The following KCND2 variants were observed in gnomAD, a reference collection of about 807,000 sequenced individuals.
KCND2 encodes potassium voltage-gated channel subfamily D member 2, also known as A-type voltage-gated potassium channel KCND2.
KCND2 carries 16 observed loss-of-function variants against 54.4 expected under a neutral mutation model. That is an observed-to-expected ratio of 0.29 (90% CI 0.20 to 0.45). The LOEUF (loss-of-function observed/expected upper bound fraction) is 0.45. KCND2 is among the 20% of genes least tolerant of loss of function. The probability of loss-of-function intolerance (pLI) is 1.00; values close to 1 mark genes in which losing one functional copy is unlikely to be tolerated. For missense variants in KCND2, 486 were observed against 824.2 expected (o/e 0.59, Z 5.02); for synonymous variants, 317 against 310.7 (o/e 1.02, Z -0.21).
At chr7:120,442,510 G>A (rs1337343097) in intron 1 of KCND2, among the ~76,000 whole-genome samples, 1 of 151,342 alleles carries the variant, frequency 6.6e-6, no homozygotes, top group African/African-American at 2.4e-5. Flanking sequence ...AGTAAGTGGT[G>A]ACCTAAAAGT....
chr7:120,297,206 A>G (rs1799524668), intron 1 of KCND2, among the ~76,000 whole-genome samples: 1 of 151,972 alleles, frequency 6.6e-6, no homozygotes, highest in Non-Finnish European at 1.5e-5. Context: ...CATCTGTCCA[A>G]ATGTCTGTCC....
At chr7:120,379,031 A>G (rs2116020725) in intron 1 of KCND2, among the ~76,000 whole-genome samples, 1 of 152,160 alleles carries the variant, frequency 6.6e-6, no homozygotes, top group African/African-American at 2.4e-5. Context: ...AGGCAGACAG[A>G]TCTCTACTCA....
chr7:120,562,187 C>T (rs908200061), intron 1 of KCND2, among the ~76,000 whole-genome samples: 7 of 152,066 alleles, frequency 4.6e-5, no homozygotes, highest in Admixed American at 4.6e-4. Flanking sequence ...CCTCAGAGAG[C>T]ATATTGAGTG....
rs149251378 is a variant in KCND2, at chr7:120,483,234, G to A, written c.1115+207487G>A. Among the ~76,000 whole-genome samples the A allele has an allele frequency of 1.1e-3, 168 of 152,244 alleles. 1 individual carries two copies. The highest frequency in any genetic ancestry group is 3.9e-3 in the African/African-American group (161 of 41,542). On this transcript the variant is annotated intron_variant, in intron 1 of 5. Transcript: ENST00000331113. ...AATAATGTGTTATTTGTACCAGATC[G>A]TGAAAGGTATATGGCTTTCAACAAA...
intron 1 of KCND2, among the ~76,000 whole-genome samples, chr7:120,629,440 G>T (rs6466753): frequency 1.3e-5 from 2 of 151,998 alleles, no homozygotes; most frequent in African/African-American, 4.8e-5. Context: ...GAGCCGAGAT[G>T]GTGCCACTGC....
chr7:120,398,621 A>G (rs973023326), intron 1 of KCND2, among the ~76,000 whole-genome samples: 3 of 152,130 alleles, frequency 2.0e-5, no homozygotes, highest in African/African-American at 7.2e-5. Flanking sequence ...AAAGATATAC[A>G]ATGCAAACAG....
At chr7:120,551,166 T>C (rs1040049917) in intron 1 of KCND2, among the ~76,000 whole-genome samples, 8 of 152,324 alleles carry the variant, frequency 5.3e-5, no homozygotes, top group Middle Eastern at 3.4e-3. Flanking sequence ...GGGAATAGAA[T>C]AGTTACTTGA....
intron 1 of KCND2, among the ~76,000 whole-genome samples, chr7:120,402,534 T>C (rs1801279294): frequency 6.6e-6 from 1 of 152,174 alleles, no homozygotes; most frequent in Non-Finnish European, 1.5e-5. Flanking sequence ...TTACACTATG[T>C]GGATTAATGT....
intron 1 of KCND2, among the ~76,000 whole-genome samples, chr7:120,564,285 G>A (rs2116415638): frequency 6.6e-6 from 1 of 152,238 alleles, no homozygotes; most frequent in African/African-American, 2.4e-5. Flanking sequence ...GCTTGAAACA[G>A]CAACGTGATA....
At chr7:120,659,196 T>C (rs1178184364) in intron 1 of KCND2, among the ~76,000 whole-genome samples, 3 of 152,110 alleles carry the variant, frequency 2.0e-5, no homozygotes, top group Non-Finnish European at 4.4e-5. Flanking sequence ...TCAAGAGACT[T>C]CACAGTTTCC....
At chr7:120,358,006 T>G (rs138504215) in intron 1 of KCND2, among the ~76,000 whole-genome samples, 55 of 152,210 alleles carry the variant, frequency 3.6e-4, no homozygotes, top group African/African-American at 1.2e-3. Flanking sequence ...TTCAGTGAGT[T>G]TTGAAGGTAT....
At chr7:120,731,865 G>A (rs1391187565) in intron 1 of KCND2, among the ~76,000 whole-genome samples, 1 of 152,184 alleles carries the variant, frequency 6.6e-6, no homozygotes, top group Non-Finnish European at 1.5e-5. Context: ...ATTTTGGTAT[G>A]AACAACTGCA....
intron 1 of KCND2, among the ~76,000 whole-genome samples, chr7:120,354,378 A>C (rs989982974): frequency 1.3e-5 from 2 of 152,232 alleles, no homozygotes; most frequent in African/African-American, 4.8e-5. Context: ...TGGGAGGACC[A>C]ATATTTTACA....
At chr7:120,424,176 G>A (rs535200872) in intron 1 of KCND2, among the ~76,000 whole-genome samples, 99 of 152,244 alleles carry the variant, frequency 6.5e-4, no homozygotes, top group Non-Finnish European at 8.8e-4. Flanking sequence ...GAATATAAGG[G>A]TAGTGGTTAA....
At chr7:120,718,355 C>T (rs1792628228) in intron 1 of KCND2, among the ~76,000 whole-genome samples, 1 of 151,922 alleles carries the variant, frequency 6.6e-6, no homozygotes, top group Admixed American at 6.6e-5. Context: ...CAAATGTGGC[C>T]CATCTCCTGC....
At chr7:120,496,301 T>C (rs2116309398) in intron 1 of KCND2, among the ~76,000 whole-genome samples, 1 of 152,254 alleles carries the variant, frequency 6.6e-6, no homozygotes, top group South Asian at 2.1e-4. Context: ...TCCTTGGTTC[T>C]GGTAAGGCCA....
At chr7:120,397,995 GTATATA>G (rs200944488) in intron 1 of KCND2, among the ~76,000 whole-genome samples, 5,198 of 92,804 alleles carry the variant, frequency 0.056, 154 homozygotes, top group Middle Eastern at 0.075. Context: ...GTGTGTGTGT[GTATATA>G]TATATATATA....
chr7:120,564,319 T>G (rs1015369854), intron 1 of KCND2, among the ~76,000 whole-genome samples: 2 of 152,146 alleles, frequency 1.3e-5, no homozygotes, highest in African/African-American at 4.8e-5. Flanking sequence ...GAACTCCATA[T>G]TCCAGATTTG....
At chr7:120,600,881 A>G (rs549980790) in intron 1 of KCND2, among the ~76,000 whole-genome samples, 31 of 152,220 alleles carry the variant, frequency 2.0e-4, no homozygotes, top group African/African-American at 7.2e-4. Flanking sequence ...GGTCATGTAT[A>G]ATTTTTTACT....
Sources: allele counts gnomAD v4.1 joint callset (sites outside exome capture counted in the v4.1 genomes callset), GRCh38; gene constraint gnomAD v4.1.1; transcripts MANE v1.5; gene names NCBI Gene and HGNC (gene_info 2026-07-23, HGNC 2026-07-21).